The following NUP210 variants were observed in gnomAD, a reference collection of about 807,000 sequenced individuals.
The protein encoded by NUP210 is nuclear pore membrane glycoprotein 210.
A neutral mutation model predicts 196.0 loss-of-function variants in NUP210; 151 were observed. The ratio of observed to expected loss-of-function variants is 0.77; its 90% CI spans 0.67 to 0.88. NUP210 has a LOEUF of 0.88. NUP210 is among the 40% of genes least tolerant of loss of function. NUP210 has a pLI of 0.00. For missense variants in NUP210, 2,314 were observed against 2,493.7 expected, an observed-to-expected ratio of 0.93 and a Z score of 1.53; for synonymous variants, 1,070 against 1,052.7, an observed-to-expected ratio of 1.02 and a Z score of -0.32.
intron 26 of NUP210, among the ~76,000 whole-genome samples, chr3:13,337,401 C>G (rs1247148275): frequency 6.6e-6 from 1 of 152,212 alleles, no homozygotes; most frequent in Non-Finnish European, 1.5e-5. Context: ...CCAGGCTGCC[C>G]AGTCCACTCC....
chr3:13,327,297 T>A lies in NUP210; in HGVS notation c.4427A>T (p.Gln1476Leu). The change falls in exon 32 of 40, where the codon CAG becomes CTG. Residue 1476 changes from glutamine (Q) to leucine (L), a missense_variant. Transcript: ENST00000254508. ...LSDFMPLPVL[Q>L]AISPELSGAM... ...CCCAGACAGCTCTGGGGAGATGGCC[T>A]GTAGGACAGGCAGGGGCATGAAGTC... 1 of 1,613,510 alleles carries A rather than the reference T, an allele frequency of 6.2e-7. No homozygotes were observed. Among genetic ancestry groups the A allele is most frequent in the Non-Finnish European group, 8.5e-7 (1 of 1,180,020 alleles).
chr3:13,360,507 G>A lies in NUP210; in HGVS notation c.1933-16C>T. ...GATCCACAGCCTGGGGACAGAAGAGGCAGAAGACTTGGCATTCTTCTAAGG... is the reference window on the plus strand; with the variant it reads ...GATCCACAGCCTGGGGACAGAAGAGACAGAAGACTTGGCATTCTTCTAAGG... On this transcript the variant is annotated splice_polypyrimidine_tract_variant and intron_variant, in intron 14 of 39. Transcript: ENST00000254508. 1 of 1,588,824 alleles carries A rather than the reference G, an allele frequency of 6.3e-7. No homozygotes were observed. The highest frequency in any genetic ancestry group is 1.1e-5 in the South Asian group (1 of 88,344).
At position 13,419,991 on chromosome 3, in the gene NUP210, C is replaced by A. The variant is rs1188374498; in HGVS notation, c.167+69G>T. The A allele has an allele frequency of 2.9e-6, 3 of 1,041,236 alleles. No homozygotes were observed. In the African/African-American group the frequency reaches 5.1e-5, roughly 18 times the overall value. 64.5% of individuals were successfully genotyped at this position (1,041,236 alleles called of 1,614,324 possible). ...CCGGCTCTGCCGGCCTCCCGGCGCC[C>A]GCCCAGCCTCTCAGCGCGAAGGCCC... On this transcript the variant is annotated intron_variant, in intron 1 of 39. Coordinates refer to ENST00000254508, the MANE Select transcript of NUP210 (RefSeq NM_024923.4).
Position 13,401,259 on chromosome 3 carries a change from CA to C in NUP210, c.168-1399del, listed in dbSNP as rs71066952. 1.1e-3 allele frequency among the ~76,000 whole-genome samples: 48 copies of C among 43,830 alleles called. 1 individual carries two copies. Among genetic ancestry groups the C allele is most frequent in the East Asian group, 3.0e-3 (4 of 1,312 alleles). The allele number at this position is 43,830 out of a possible 152,430, so 28.8% of individuals were successfully genotyped here. A position where few individuals can be genotyped will look rare whatever the true frequency, so the allele number is the denominator to read the frequency against. On this transcript the variant is annotated intron_variant, in intron 1 of 39. Coordinates refer to ENST00000254508, the MANE Select transcript of NUP210 (RefSeq NM_024923.4). ...TGGGCAACAGAGTGAGACTCTGGCT[CA>C]AAAAAAAAAAAAAAAAAAAAGGCAA...
chr3:13,328,996 C>T, intron 30 of NUP210, 50 bp from the exon 31 acceptor site: 10 of 1,544,374 alleles, frequency 6.5e-6, no homozygotes, highest in Non-Finnish European at 8.9e-6. Flanking sequence ...AGGGACTGGC[C>T]TCCAGGAAAA....
At position 13,340,783 on chromosome 3, in the gene NUP210, C is replaced by A. The variant is rs1441358048; in HGVS notation, c.3229-485G>T. On this transcript the variant is annotated intron_variant, in intron 23 of 39. Transcript: ENST00000254508. The surrounding 1 kb of genome is among the most constrained non-coding windows in gnomAD (Gnocchi z 4.0). ...CCCCAGAGGTTGCTCTTCTAGCACA[C>A]CCTCCGGATTAGCCTGGGAGGAGAC... Among the ~76,000 whole-genome samples the A allele has an allele frequency of 6.6e-6, 1 of 152,112 alleles. No individual in the cohort carries two copies. Among genetic ancestry groups the A allele is most frequent in the East Asian group, 1.9e-4 (1 of 5,170 alleles).
intron 1 of NUP210, among the ~76,000 whole-genome samples, chr3:13,400,539 C>G (rs760674103): frequency 6.6e-6 from 1 of 152,142 alleles, no homozygotes; most frequent in Non-Finnish European, 1.5e-5. Flanking sequence ...CTGTCAGCGC[C>G]TCAGTTTCTC....
At position 13,323,375 on chromosome 3, in the gene NUP210, T is replaced by G. The variant is rs934106182; in HGVS notation, c.4702A>C (p.Ser1568Arg). 6.2e-7 allele frequency: 1 copy of G among 1,614,106 alleles called. No homozygotes were observed. The highest frequency in any genetic ancestry group is 1.7e-5 in the Admixed American group (1 of 60,018). ...TTGGAGGCTGTAGCCTCCTGGAAGC[T>G]GGTCTGGATGGGGTGGAGGTGACGG... ...MARHLHPIQT[S>R]FQEATASKVI... The change falls in exon 34 of 40, where the codon AGC (serine) becomes CGC (arginine). Residue 1568 changes from serine to arginine, a missense_variant. Physicochemically the swap from Ser to Arg is moderately radical, Grantham distance 110 (BLOSUM62 -1). Transcript: ENST00000254508. The surrounding 1 kb of genome is among the most constrained non-coding windows in gnomAD (Gnocchi z 4.3).
rs1698908575 is a variant in NUP210, at chr3:13,376,364, G to A, written c.1220C>T (p.Ser407Leu). 5 of 1,614,204 alleles carry A rather than the reference G, an allele frequency of 3.1e-6. No homozygotes were observed. The highest frequency in any genetic ancestry group is 4.2e-6 in the Non-Finnish European group (5 of 1,180,006). ...CTTTAGTGCCCTGATGCGATGGTAT[G>A]ACCCATTCTGGGAGGACGAGAGCAC... ...FEVLSSSQNG[S>L]YHRIRALKRG... The change falls in exon 10 of 40, where the codon TCA becomes TTA. Residue 407 changes from serine to leucine, a missense_variant. Transcript: ENST00000254508.
In NUP210 at chr3:13,340,479, G is replaced by A. The variant is rs1303896616; in HGVS notation, c.3229-181C>T. Reference sequence around the variant, plus strand: ...GCTGGGGGCTGTCTCCCAGCCACTGGCCGAGGCTCCCTGGTTCTCTGGGGT... The same window carrying A: ...GCTGGGGGCTGTCTCCCAGCCACTGACCGAGGCTCCCTGGTTCTCTGGGGT... On this transcript the variant is annotated intron_variant, in intron 23 of 39. Coordinates refer to ENST00000254508, the MANE Select transcript of NUP210 (RefSeq NM_024923.4). The surrounding 1 kb of genome is among the most constrained non-coding windows in gnomAD (Gnocchi z 4.0). Among the ~76,000 whole-genome samples, 1 of 152,172 alleles carries A rather than the reference G, an allele frequency of 6.6e-6. No individual in the cohort carries two copies. Among genetic ancestry groups the A allele is most frequent in the Non-Finnish European group, 1.5e-5 (1 of 68,020 alleles).
rs984092066 is a variant in NUP210, at chr3:13,371,843, G to A, written c.1777C>T (p.Pro593Ser). Residue 593 changes from proline (P) to serine (S), a missense_variant, in exon 13 of 40, where the codon CCA (proline) becomes TCA (serine). Transcript: ENST00000254508. ...AGCAGCGCTGGTTTACCTGGGAGTG[G>A]CTGGAACACACCCTGGTTCTCCACC... ...VEVENQGVFQ[P>S]LPGRLPPGSE... The A allele has an allele frequency of 6.2e-7, 1 of 1,606,308 alleles. No homozygotes were observed. Among genetic ancestry groups the A allele is most frequent in the Non-Finnish European group, 8.5e-7 (1 of 1,177,014 alleles).
chr3:13,331,373 C>T (rs1281164043), intron 29 of NUP210, among the ~76,000 whole-genome samples: 1 of 152,182 alleles, frequency 6.6e-6, no homozygotes. Context: ...CTTCCACAGC[C>T]CTATAGATGA....
At chr3:13,343,357 G>A in intron 20 of NUP210, 54 bp from the exon 21 acceptor site, 1 of 1,586,390 alleles carries the variant, frequency 6.3e-7, no homozygotes, top group Non-Finnish European at 8.6e-7. Flanking sequence ...GCAGCTGCAG[G>A]GCCCCCCTCT....
At chr3:13,397,276 G>A (rs1699688983) in intron 3 of NUP210, 81 bp downstream of exon 3, 1 of 1,507,028 alleles carries the variant, frequency 6.6e-7, no homozygotes, top group African/African-American at 1.4e-5. Flanking sequence ...GAGGAGTGGG[G>A]AATGCAGAGA....
At chr3:13,354,222 G>T in intron 16 of NUP210, 115 bp from the exon 17 acceptor site, 1 of 848,034 alleles carries the variant, frequency 1.2e-6, no homozygotes, top group Non-Finnish European at 1.9e-6. Context: ...GGGTGCTGGT[G>T]AGGGAATGGG....
chr3:13,379,024 C>G lies in NUP210; in HGVS notation c.977-44G>C. 2 of 1,540,198 alleles carry G rather than the reference C, an allele frequency of 1.3e-6. No homozygotes were observed. The highest frequency in any genetic ancestry group is 9.0e-7 in the Non-Finnish European group (1 of 1,112,762). The stretch of plus-strand genomic sequence containing the variant: ...GGCAAGACATATGACAGCAAATAAA[C>G]CAGCTGGCTGGCCAGTTTCAGCTTG... On this transcript the variant is annotated intron_variant, in intron 7 of 39. Transcript: ENST00000254508. This position sits in a 1 kb window ranked among gnomAD's most constrained non-coding sequence, Gnocchi z 4.2.
intron 23 of NUP210, 58 bp downstream of exon 23, chr3:13,341,688 GAC>G (rs1174256934): frequency 2.5e-6 from 4 of 1,586,700 alleles, no homozygotes; most frequent in East Asian, 4.5e-5. Flanking sequence ...GTACTATAAA[GAC>G]ACTCCCAACC....
intron 14 of NUP210, among the ~76,000 whole-genome samples, chr3:13,363,165 T>C (rs946974978): frequency 3.3e-5 from 5 of 152,128 alleles, no homozygotes; most frequent in African/African-American, 9.7e-5. Context: ...GCTCAATCAA[T>C]GGCCCCTGCT....
chr3:13,345,397 A>G (rs1697682051), intron 20 of NUP210, among the ~76,000 whole-genome samples: 1 of 152,204 alleles, frequency 6.6e-6, no homozygotes, highest in Non-Finnish European at 1.5e-5. Context: ...CTCCCAGTTT[A>G]GGCTCCTCCT....
Sources: gnomAD v4.1 joint callset for allele counts (sites outside exome capture counted in the v4.1 genomes callset) on GRCh38, gnomAD v4.1.1 for gene constraint, Gnocchi (gnomAD v3.1) non-coding constraint, MANE v1.5 for transcripts, NCBI Gene and HGNC (gene_info 2026-07-23, HGNC 2026-07-21) for gene names.